Variants in SGCZ observed in about 807,000 individuals in gnomAD.
SGCZ encodes the protein zeta-sarcoglycan.
In SGCZ, 40 loss-of-function variants were observed where a neutral mutation model predicts 41.3. The ratio of observed to expected loss-of-function variants is 0.97; its 90% confidence interval spans 0.75 to 1.26. The LOEUF (loss-of-function observed/expected upper bound fraction) is 1.26. SGCZ is among the 50% of genes most tolerant of loss of function. SGCZ has a pLI of 0.00. For synonymous variants in SGCZ, 206 were observed against 137.5 expected (o/e 1.50, Z -3.49); for missense variants, 552 against 369.8 (o/e 1.49, Z -4.04).
intron 4 of SGCZ, among the ~76,000 whole-genome samples, chr8:14,188,244 G>C (rs899152178): frequency 6.6e-6 from 1 of 152,168 alleles, no homozygotes; most frequent in African/African-American, 2.4e-5. Context: ...CTTACACAAA[G>C]AACCTAGTAA....
At chr8:14,464,702 CA>C (rs1800999650) in intron 2 of SGCZ, among the ~76,000 whole-genome samples, 1 of 151,240 alleles carries the variant, frequency 6.6e-6, no homozygotes, top group Admixed American at 6.6e-5. Flanking sequence ...TGACTTGAAA[CA>C]TATTTTGTCT....
At chr8:14,554,451 T>G (rs954396657) in intron 2 of SGCZ, among the ~76,000 whole-genome samples, 1 of 152,068 alleles carries the variant, frequency 6.6e-6, no homozygotes, top group Non-Finnish European at 1.5e-5. Context: ...TAGTTCATAC[T>G]TACTGGTTAA....
At chr8:14,469,390 C>T (rs560670643) in intron 2 of SGCZ, among the ~76,000 whole-genome samples, 2 of 152,210 alleles carry the variant, frequency 1.3e-5, no homozygotes, top group South Asian at 2.1e-4. Flanking sequence ...CAAATCCAAT[C>T]CCTCTCACAT....
At chr8:14,678,884 T>C (rs1212778835) in intron 1 of SGCZ, among the ~76,000 whole-genome samples, 3 of 152,190 alleles carry the variant, frequency 2.0e-5, no homozygotes, top group African/African-American at 7.2e-5. Flanking sequence ...TGAAAAGATA[T>C]AGAGAAAACT....
chr8:15,054,480 A>G (rs1300280439), intron 1 of SGCZ, among the ~76,000 whole-genome samples: 1 of 143,618 alleles, frequency 7.0e-6, no homozygotes, highest in Non-Finnish European at 1.5e-5. Flanking sequence ...AATGAGAAAC[A>G]ATAGTTTCTA....
chr8:14,210,852 C>G (rs982503210), intron 4 of SGCZ, among the ~76,000 whole-genome samples: 1 of 152,184 alleles, frequency 6.6e-6, no homozygotes, highest in East Asian at 1.9e-4. Flanking sequence ...AGTTAGATAA[C>G]TGCATCATAA....
At chr8:14,209,367 T>C (rs10104800) in intron 4 of SGCZ, among the ~76,000 whole-genome samples, 114,737 of 151,714 alleles carry the variant, frequency 0.76, 44,512 homozygotes, top group African/African-American at 0.92. Flanking sequence ...TTAAACTCTG[T>C]TCCTAAACTC....
intron 1 of SGCZ, among the ~76,000 whole-genome samples, chr8:14,570,612 A>G (rs535676141): frequency 1.3e-5 from 2 of 152,212 alleles, no homozygotes; most frequent in Non-Finnish European, 2.9e-5. Context: ...AATATTTAGA[A>G]TTTCTGAAGG....
chr8:14,277,415 T>C (rs543463282), intron 3 of SGCZ, among the ~76,000 whole-genome samples: 15 of 143,230 alleles, frequency 1.0e-4, no homozygotes, highest in African/African-American at 3.5e-4. Flanking sequence ...TACTCAGAAA[T>C]AGTCACTTCC....
chr8:15,218,597 A>G (rs1389599974), intron 1 of SGCZ, among the ~76,000 whole-genome samples: 1 of 152,156 alleles, frequency 6.6e-6, no homozygotes, highest in African/African-American at 2.4e-5. Flanking sequence ...ATGGCCACCT[A>G]CCAATACTGT....
chr8:14,186,630 C>T (rs1042625519), intron 4 of SGCZ, among the ~76,000 whole-genome samples: 1 of 152,122 alleles, frequency 6.6e-6, no homozygotes, highest in Non-Finnish European at 1.5e-5. Context: ...TTTCTGCTTT[C>T]GGATACACAG....
At chr8:14,207,962 A>G (rs113136480) in intron 4 of SGCZ, among the ~76,000 whole-genome samples, 2,670 of 152,268 alleles carry the variant, frequency 0.018, 79 homozygotes, top group African/African-American at 0.06. Context: ...ATTCCTCTAA[A>G]TAAGGCAGAA....
At chr8:14,767,822 G>A (rs1187854803) in intron 1 of SGCZ, among the ~76,000 whole-genome samples, 1 of 152,070 alleles carries the variant, frequency 6.6e-6, no homozygotes, top group Non-Finnish European at 1.5e-5. Flanking sequence ...ACTTCTTAAG[G>A]GCAGAGACTC....
intron 1 of SGCZ, among the ~76,000 whole-genome samples, chr8:14,876,000 G>A (rs1283342942): frequency 6.6e-6 from 1 of 152,066 alleles, no homozygotes; most frequent in East Asian, 1.9e-4. Flanking sequence ...AACCATTTGG[G>A]AACTCTGGTA....
chr8:15,148,199 C>A (rs1799086662), intron 1 of SGCZ, among the ~76,000 whole-genome samples: 1 of 152,034 alleles, frequency 6.6e-6, no homozygotes, highest in Non-Finnish European at 1.5e-5. Flanking sequence ...ACATTGATGC[C>A]TTTTTAATTA....
At chr8:14,182,938 A>T (rs1033303788) in intron 4 of SGCZ, among the ~76,000 whole-genome samples, 4 of 149,258 alleles carry the variant, frequency 2.7e-5, no homozygotes, top group African/African-American at 9.9e-5. Context: ...TGAACCCAGG[A>T]GGCAGAGGTT....
chr8:14,318,251 C>A (rs190689140), intron 3 of SGCZ, among the ~76,000 whole-genome samples: 8 of 151,396 alleles, frequency 5.3e-5, no homozygotes, highest in Admixed American at 3.3e-4. Flanking sequence ...GGGAGAAGGG[C>A]AAGAAAAGGA....
chr8:14,702,837 A>G (rs1183698946), intron 1 of SGCZ, among the ~76,000 whole-genome samples: 9 of 101,896 alleles, frequency 8.8e-5, no homozygotes, highest in Non-Finnish European at 1.8e-4. Flanking sequence ...AGATAGATAG[A>G]TAGATAGATA....
chr8:14,142,405 G>A (rs1803399664), intron 5 of SGCZ, among the ~76,000 whole-genome samples: 2 of 152,096 alleles, frequency 1.3e-5, no homozygotes, highest in Admixed American at 1.3e-4. Context: ...GAGGGGAGCT[G>A]GGCTGGCTCT....
Sources: allele counts gnomAD v4.1 joint callset (sites outside exome capture counted in the v4.1 genomes callset), GRCh38; gene constraint gnomAD v4.1.1; transcripts MANE v1.5; gene names NCBI Gene and HGNC (gene_info 2026-07-23, HGNC 2026-07-21).